The following ZNF597 variants were observed in gnomAD, a reference collection of about 807,000 sequenced individuals.
The protein encoded by ZNF597 is zinc finger protein 597.
ZNF597 carries 5 observed loss-of-function variants against 7.3 expected under a neutral mutation model. The ratio of observed to expected loss-of-function variants is 0.68; its 90% CI spans 0.36 to 1.44. The LOEUF (loss-of-function observed/expected upper bound fraction) is 1.44. ZNF597 is among the 40% of genes most tolerant of loss of function. The probability of loss-of-function intolerance (pLI) is 0.04; values close to 1 mark genes in which losing one functional copy is unlikely to be tolerated. For synonymous variants in ZNF597, 209 were observed against 185.4 expected (o/e 1.13, Z -1.04); for missense variants, 585 against 517.9 (o/e 1.13, Z -1.26).
intron 3 of ZNF597, among the ~76,000 whole-genome samples, chr16:3,438,439 TG>T (rs1168900252): frequency 1.3e-5 from 2 of 151,652 alleles, no homozygotes; most frequent in Non-Finnish European, 2.9e-5. Flanking sequence ...GGCCTGCGCC[TG>T]TCGTCCCAGC....
In ZNF597 at chr16:3,437,042, G is replaced by A; in HGVS notation, c.657C>T (p.Ala219=). Reference sequence around the variant, plus strand: ...ATAGATGAGAGTGCTGGCGAAAGCTGGCACTGCACTTGGCACACTTATAAG... The same window carrying A: ...ATAGATGAGAGTGCTGGCGAAAGCTAGCACTGCACTTGGCACACTTATAAG... ...EKPYKCAKCS[A]SFRQHSHLSR... is the part of the protein sequence containing the mutation. The change falls in exon 4 of 4, where the codon GCC becomes GCT. Residue 219 remains alanine, a synonymous_variant. Transcript: ENST00000301744. 1 of 1,614,152 alleles carries A rather than the reference G, an allele frequency of 6.2e-7. No homozygotes were observed. Among genetic ancestry groups the A allele is most frequent in the Non-Finnish European group, 8.5e-7 (1 of 1,180,028 alleles).
chr16:3,433,169 T>C lies in ZNF597; in HGVS notation c.*3255A>G, dbSNP rs1475964033. 1 of 152,242 alleles carries C rather than the reference T, an allele frequency of 6.6e-6. No individual in the cohort carries two copies. The highest frequency in any genetic ancestry group is 1.9e-4 in the East Asian group (1 of 5,198). The allele number at this position is 152,242 out of a possible 1,614,324, so 9.4% of individuals were successfully genotyped here. On this transcript the variant is annotated 3_prime_UTR_variant, in exon 4 of 4. Transcript: ENST00000301744. ...TCTATGTTAAATGAGGAGGTGTCAA[T>C]AGACTACCACCTGTAGCAACAAAGC... is the stretch of plus-strand genomic sequence containing the variant.
rs951422873 is a variant in ZNF597, at chr16:3,443,446, G to C, written c.-140C>G. The C allele has an allele frequency of 5.0e-5, 26 of 519,298 alleles. No homozygotes were observed. In the East Asian group the frequency reaches 8.4e-4, roughly 17 times the overall value. 32.2% of individuals were successfully genotyped at this position (519,298 alleles called of 1,614,324 possible). On this transcript the variant is annotated 5_prime_UTR_variant, in exon 1 of 4. Transcript: ENST00000301744. ...ACCGAGACGCGACGAAGAACGCCACGGCCACTGCAAAACTCCCACGCTCTC... is the reference window on the plus strand; with the variant it reads ...ACCGAGACGCGACGAAGAACGCCACCGCCACTGCAAAACTCCCACGCTCTC...
Position 3,436,298 on chromosome 16 carries a change from A to C in ZNF597, c.*126T>G. Reference sequence around the variant, plus strand: ...CTGCCTAAATCACGGTTGTGCTGAGAATTAAGTATTACATGGGAATGTGTG... The same window carrying C: ...CTGCCTAAATCACGGTTGTGCTGAGCATTAAGTATTACATGGGAATGTGTG... On this transcript the variant is annotated 3_prime_UTR_variant, in exon 4 of 4. Transcript: ENST00000301744. The C allele has an allele frequency of 1.1e-6, 1 of 908,742 alleles. No homozygotes were observed. Among genetic ancestry groups the C allele is most frequent in the Non-Finnish European group, 1.6e-6 (1 of 615,042 alleles). The allele number at this position is 908,742 out of a possible 1,614,324, so 56.3% of individuals were successfully genotyped here.
intron 2 of ZNF597, among the ~76,000 whole-genome samples, chr16:3,442,466 G>C (rs1365344259): frequency 1.3e-5 from 2 of 152,082 alleles, no homozygotes; most frequent in Non-Finnish European, 2.9e-5. Context: ...ACAAGGTCAG[G>C]AGATTGAGAC....
In ZNF597 at chr16:3,443,445, C is replaced by A; in HGVS notation, c.-139G>T. 3.8e-6 allele frequency: 2 copies of A among 519,640 alleles called. No individual in the cohort carries two copies. Among genetic ancestry groups the A allele is most frequent in the Non-Finnish European group, 3.4e-6 (1 of 297,504 alleles). 32.2% of individuals were successfully genotyped at this position (519,640 alleles called of 1,614,324 possible). A position where few individuals can be genotyped will look rare whatever the true frequency, so the allele number is the denominator to read the frequency against. ...GACCGAGACGCGACGAAGAACGCCA[C>A]GGCCACTGCAAAACTCCCACGCTCT... On this transcript the variant is annotated 5_prime_UTR_variant, in exon 1 of 4. Coordinates refer to ENST00000301744, the MANE Select transcript of ZNF597 (RefSeq NM_152457.3).
rs369228307 is a variant in ZNF597 at position 3,439,170 on chromosome 16, G to A, written c.161-1632C>T. Among the ~76,000 whole-genome samples, 5 of 152,008 alleles carry A rather than the reference G, an allele frequency of 3.3e-5. No individual in the cohort carries two copies. In the East Asian group the frequency reaches 5.8e-4, roughly 18 times the overall value. On this transcript the variant is annotated intron_variant, in intron 3 of 3. Coordinates refer to ENST00000301744, the MANE Select transcript of ZNF597 (RefSeq NM_152457.3). The stretch of plus-strand genomic sequence containing the variant: ...GAGGTGGGAGAATTGCTTGAGCCAC[G>A]GAGCTCGAGACCAGCCTGGGCAACA...
rs757943672 is a variant in ZNF597, at chr16:3,437,044, C to A, written c.655G>T (p.Ala219Ser). The A allele has an allele frequency of 3.7e-6, 6 of 1,614,142 alleles. No individual in the cohort carries two copies. The Admixed American group carries it at 1.0e-4, about 27-fold the overall frequency. Residue 219 changes from alanine (A) to serine (S), a missense_variant, in exon 4 of 4, where the codon GCC (alanine) becomes TCC (serine). Physicochemically the swap from Ala to Ser is moderately conservative, Grantham distance 99. Coordinates refer to ENST00000301744, the MANE Select transcript of ZNF597 (RefSeq NM_152457.3). ...AGATGAGAGTGCTGGCGAAAGCTGG[C>A]ACTGCACTTGGCACACTTATAAGGT... ...EKPYKCAKCS[A>S]SFRQHSHLSR...
rs1332823359 is a variant in ZNF597, at chr16:3,434,311, A to T, written c.*2113T>A. The T allele has an allele frequency of 6.6e-6, 1 of 152,212 alleles. No individual in the cohort carries two copies. The highest frequency in any genetic ancestry group is 6.5e-5 in the Admixed American group (1 of 15,270). The allele number at this position is 152,212 out of a possible 1,614,324, so 9.4% of individuals were successfully genotyped here. On this transcript the variant is annotated 3_prime_UTR_variant, in exon 4 of 4. Coordinates refer to ENST00000301744, the MANE Select transcript of ZNF597 (RefSeq NM_152457.3). ...AGGCTCCTGCCAGTTTCTCCCACTGAGGGCAGAAGCAGGAGAGCAAGGAGG... is the reference window on the plus strand; with the variant it reads ...AGGCTCCTGCCAGTTTCTCCCACTGTGGGCAGAAGCAGGAGAGCAAGGAGG...
At chr16:3,441,007 A>G in intron 2 of ZNF597, 74 bp from the exon 3 acceptor site, 2 of 1,550,174 alleles carry the variant, frequency 1.3e-6, no homozygotes, top group Non-Finnish European at 1.7e-6. Flanking sequence ...AAGGATGAAA[A>G]GAGCTAGAAA....
chr16:3,436,424 T>G lies in ZNF597; in HGVS notation c.1275A>C (p.Ter425TyrextTer39). The G allele has an allele frequency of 6.2e-7, 1 of 1,611,482 alleles. No individual in the cohort carries two copies. The highest frequency in any genetic ancestry group is 8.5e-7 in the Non-Finnish European group (1 of 1,178,414). ...HKRTHIKNTT[*>Y] ...CTAATAACAATTTGTTATATTTACT[T>G]TACGTGGTGTTTTTTATGTGAGTTC... The change falls in exon 4 of 4, where the codon TAA becomes TAC. Residue 425 changes from the stop codon to tyrosine (Y), a stop_lost. Coordinates refer to ENST00000301744, the MANE Select transcript of ZNF597 (RefSeq NM_152457.3).
rs2034279701 is a variant in ZNF597, at chr16:3,434,255, G to A, written c.*2169C>T. 1 of 152,182 alleles carries A rather than the reference G, an allele frequency of 6.6e-6. No individual in the cohort carries two copies. The allele number at this position is 152,182 out of a possible 1,614,324, so 9.4% of individuals were successfully genotyped here. A position where few individuals can be genotyped will look rare whatever the true frequency, so the allele number is the denominator to read the frequency against. ...CCTGTGACTCATTAGATCTTTGACT[G>A]AACTCTTAGGGCCCCTGATATGTGC... On this transcript the variant is annotated 3_prime_UTR_variant, in exon 4 of 4. Coordinates refer to ENST00000301744, the MANE Select transcript of ZNF597 (RefSeq NM_152457.3).
intron 1 of ZNF597, 40 bp from the exon 2 acceptor site, chr16:3,443,246 G>T: frequency 1.5e-6 from 2 of 1,325,050 alleles, no homozygotes; most frequent in Non-Finnish European, 1.0e-6. Flanking sequence ...GACCAATTCC[G>T]CTGCCAAGTT....
At chr16:3,441,201 T>C (rs2034364746) in intron 2 of ZNF597, among the ~76,000 whole-genome samples, 1 of 152,064 alleles carries the variant, frequency 6.6e-6, no homozygotes, top group Non-Finnish European at 1.5e-5. Flanking sequence ...AGAGAAAAGA[T>C]GAGGGAATGG....
chr16:3,440,276 T>C (rs1005572397), intron 3 of ZNF597, among the ~76,000 whole-genome samples: 15 of 152,226 alleles, frequency 9.9e-5, no homozygotes, highest in African/African-American at 3.4e-4. Context: ...TTGTGAAAGA[T>C]TACCAAATAC....
At chr16:3,440,719 C>CTCCA in intron 3 of ZNF597, 88 bp downstream of exon 3, 1 of 1,533,260 alleles carries the variant, frequency 6.5e-7, no homozygotes, top group Non-Finnish European at 8.8e-7. Context: ...ACAGGTCCCA[C>CTCCA]TCCACCATAC....
chr16:3,439,209 T>C (rs1177553228), intron 3 of ZNF597, among the ~76,000 whole-genome samples: 2 of 149,268 alleles, frequency 1.3e-5, no homozygotes, highest in Admixed American at 1.3e-4. Context: ...CAAAGCCCCA[T>C]CCCTACAAAA....
At chr16:3,441,597 A>C (rs962414054) in intron 2 of ZNF597, among the ~76,000 whole-genome samples, 1 of 152,074 alleles carries the variant, frequency 6.6e-6, no homozygotes, top group Non-Finnish European at 1.5e-5. Context: ...GAGGCAGGAG[A>C]ATCATTTGAA....
In ZNF597 at chr16:3,440,568, G is replaced by A. The variant is rs564201181; in HGVS notation, c.160+239C>T. Reference sequence around the variant, plus strand: ...AGAATGGCGTGAACCTGGGAGGCGCGGTTTGCAGTGAGCAGAGATCGTGCC... The same window carrying A: ...AGAATGGCGTGAACCTGGGAGGCGCAGTTTGCAGTGAGCAGAGATCGTGCC... On this transcript the variant is annotated intron_variant, in intron 3 of 3. Coordinates refer to ENST00000301744, the MANE Select transcript of ZNF597 (RefSeq NM_152457.3). Among the ~76,000 whole-genome samples the A allele has an allele frequency of 3.9e-3, 600 of 152,100 alleles. 2 individuals are homozygous for A. The highest frequency in any genetic ancestry group is 0.013 in the African/African-American group (559 of 41,462).
Sources: allele counts gnomAD v4.1 joint callset (sites outside exome capture counted in the v4.1 genomes callset), GRCh38; gene constraint gnomAD v4.1.1; transcripts MANE v1.5; gene names NCBI Gene and HGNC (gene_info 2026-07-23, HGNC 2026-07-21).